Variants in BCL11B observed in about 807,000 individuals in gnomAD.
The protein encoded by BCL11B is BCL11 transcription factor B.
In BCL11B, 8 loss-of-function variants were observed where a neutral mutation model predicts 49.9. The observed-to-expected ratio is 0.16, with a 90% confidence interval of 0.09 to 0.29. The LOEUF is 0.29. BCL11B is among the 10% of genes least tolerant of loss of function. BCL11B has a pLI of 1.00. For synonymous variants in BCL11B, 739 were observed against 637.4 expected, an observed-to-expected ratio of 1.16 and a Z score of -2.40; for missense variants, 1,006 against 1,351.0, an observed-to-expected ratio of 0.74 and a Z score of 4.00.
At chr14:99,220,423 G>T (rs916462632) in intron 3 of BCL11B, among the ~76,000 whole-genome samples, 1 of 152,194 alleles carries the variant, frequency 6.6e-6, no homozygotes, top group African/African-American at 2.4e-5. Flanking sequence ...GAAGGAGATT[G>T]TAACACGTGC....
intron 2 of BCL11B, among the ~76,000 whole-genome samples, chr14:99,255,911 C>T (rs1468630712): frequency 2.6e-5 from 4 of 152,216 alleles, no homozygotes; most frequent in Non-Finnish European, 5.9e-5. Context: ...CATGCTAGGG[C>T]ACCCATCAGA....
intron 3 of BCL11B, among the ~76,000 whole-genome samples, chr14:99,206,460 C>G (rs2693686): frequency 0.41 from 62,675 of 151,984 alleles, 13,622 homozygotes; most frequent in African/African-American, 0.54. Flanking sequence ...TTGAGCCACT[C>G]CAAGTAGTGT....
At position 99,248,235 on chromosome 14, in the gene BCL11B, C is replaced by T. The variant is rs545747322; in HGVS notation, c.427+9236G>A. 6.6e-6 allele frequency among the ~76,000 whole-genome samples: 1 copy of T among 152,186 alleles called. No homozygotes were observed. Among genetic ancestry groups the T allele is most frequent in the African/African-American group, 2.4e-5 (1 of 41,522 alleles). On this transcript the variant is annotated intron_variant, in intron 2 of 3. Coordinates refer to ENST00000357195, the MANE Select transcript of BCL11B (RefSeq NM_138576.4). The surrounding 1 kb of genome is among the most constrained non-coding windows in gnomAD (Gnocchi z 4.7). ...TGAGACACCCCAGGGCCCTCCAGAC[C>T]AAAACCAGCGGACCAGCAAGAAGGC...
chr14:99,223,334 T>C (rs1888065885), intron 3 of BCL11B, among the ~76,000 whole-genome samples: 1 of 152,128 alleles, frequency 6.6e-6, no homozygotes, highest in Non-Finnish European at 1.5e-5. Context: ...AAATATAATA[T>C]CTGCAAAGAG....
At chr14:99,237,448 C>A (rs769783569) in intron 2 of BCL11B, among the ~76,000 whole-genome samples, 24 of 152,100 alleles carry the variant, frequency 1.6e-4, no homozygotes, top group Non-Finnish European at 3.1e-4. Flanking sequence ...AGTGGGTGTG[C>A]CACGTGGCTC....
chr14:99,217,059 C>T (rs891243674), intron 3 of BCL11B, among the ~76,000 whole-genome samples: 1 of 152,158 alleles, frequency 6.6e-6, no homozygotes, highest in African/African-American at 2.4e-5. Context: ...CATATATACA[C>T]TTAGTCATGT....
At position 99,173,892 on chromosome 14, in the gene BCL11B, C is replaced by A; in HGVS notation, c.*259G>T. 1 of 519,280 alleles carries A rather than the reference C, an allele frequency of 1.9e-6. No individual in the cohort carries two copies. The highest frequency in any genetic ancestry group is 3.4e-6 in the Non-Finnish European group (1 of 293,728). 32.2% of individuals were successfully genotyped at this position (519,280 alleles called of 1,614,324 possible). A position where few individuals can be genotyped will look rare whatever the true frequency, so the allele number is the denominator to read the frequency against. Reference sequence around the variant, plus strand: ...AAAATAATAATAAAAAGTACCTGCACATGCCAAAAAAATTACAAAACCCAA... The same window carrying A: ...AAAATAATAATAAAAAGTACCTGCAAATGCCAAAAAAATTACAAAACCCAA... On this transcript the variant is annotated 3_prime_UTR_variant, in exon 4 of 4. Coordinates refer to ENST00000357195, the MANE Select transcript of BCL11B (RefSeq NM_138576.4).
chr14:99,170,540 A>G lies in BCL11B; in HGVS notation c.*3611T>C, dbSNP rs1886254828. ...TAAAATAGAGGATTAGGGGAGGAAC[A>G]GACAGGAAGAAAAGAAATTAAATAA... is the stretch of plus-strand genomic sequence containing the variant. On this transcript the variant is annotated 3_prime_UTR_variant, in exon 4 of 4. Coordinates refer to ENST00000357195, the MANE Select transcript of BCL11B (RefSeq NM_138576.4). 4 of 230,938 alleles carry G rather than the reference A, an allele frequency of 1.7e-5. No individual in the cohort carries two copies. Among genetic ancestry groups the G allele is most frequent in the Non-Finnish European group, 3.4e-5 (4 of 116,456 alleles). The allele number at this position is 230,938 out of a possible 1,614,324, so 14.3% of individuals were successfully genotyped here. A position where few individuals can be genotyped will look rare whatever the true frequency, so the allele number is the denominator to read the frequency against.
chr14:99,250,405 G>A (rs1414592941), intron 2 of BCL11B, among the ~76,000 whole-genome samples: 1 of 151,966 alleles, frequency 6.6e-6, no homozygotes, highest in Admixed American at 6.6e-5. Context: ...TCCAGCCTGG[G>A]CGACAGCGAG....
At chr14:99,235,411 G>A (rs865842632) in intron 2 of BCL11B, among the ~76,000 whole-genome samples, 19 of 152,284 alleles carry the variant, frequency 1.2e-4, no homozygotes, top group Middle Eastern at 3.4e-3. Flanking sequence ...GACAGTCCCC[G>A]CGCCCCCTCC....
chr14:99,176,346 G>T, intron 3 of BCL11B, 151 bp from the exon 4 acceptor site: 1 of 757,390 alleles, frequency 1.3e-6, no homozygotes, highest in Non-Finnish European at 2.0e-6. Context: ...CCGCTTGCAA[G>T]CAGGCCCGGC....
At chr14:99,221,227 C>A (rs533257891) in intron 3 of BCL11B, among the ~76,000 whole-genome samples, 1 of 152,280 alleles carries the variant, frequency 6.6e-6, no homozygotes, top group African/African-American at 2.4e-5. Context: ...GAAATTCATG[C>A]AAAAGAACTT....
At chr14:99,260,118 A>T (rs1050579445) in intron 1 of BCL11B, among the ~76,000 whole-genome samples, 1 of 152,238 alleles carries the variant, frequency 6.6e-6, no homozygotes, top group African/African-American at 2.4e-5. Flanking sequence ...GGAGGATGTC[A>T]AAATATTGTT....
Position 99,184,085 on chromosome 14 carries a change from C to T in BCL11B, c.641-7890G>A, listed in dbSNP as rs777211616. 5.9e-5 allele frequency among the ~76,000 whole-genome samples: 9 copies of T among 152,140 alleles called. No individual in the cohort carries two copies. The highest frequency in any genetic ancestry group is 7.3e-5 in the Non-Finnish European group (5 of 68,028). ...GGTGGGGCCTCCCTGATACCCAGGA[C>T]GATGTATCAGGCACCCCAGCCTTTG... On this transcript the variant is annotated intron_variant, in intron 3 of 3. Transcript: ENST00000357195. This position sits in a 1 kb window ranked among gnomAD's most constrained non-coding sequence, Gnocchi z 6.1.
Position 99,175,342 on chromosome 14 carries a change from G to A in BCL11B, c.1494C>T (p.Pro498=). The change falls in exon 4 of 4, where the codon CCC becomes CCT. Residue 498 remains proline, a synonymous_variant. Coordinates refer to ENST00000357195, the MANE Select transcript of BCL11B (RefSeq NM_138576.4). The part of the protein sequence containing the change: ...SDDGLSAASS[P]EPGTSELAGE... ...CCGCCAGCTCGCTGGTGCCGGGCTCGGGGGAGCTGGCGGCCGAGAGCCCGT... is the reference window on the plus strand; with the variant it reads ...CCGCCAGCTCGCTGGTGCCGGGCTCAGGGGAGCTGGCGGCCGAGAGCCCGT... 1 of 1,558,112 alleles carries A rather than the reference G, an allele frequency of 6.4e-7. No individual in the cohort carries two copies. Among genetic ancestry groups the A allele is most frequent in the Non-Finnish European group, 8.6e-7 (1 of 1,157,182 alleles).
chr14:99,243,267 A>G lies in BCL11B; in HGVS notation c.428-11710T>C, dbSNP rs1200079816. Among the ~76,000 whole-genome samples the G allele has an allele frequency of 2.6e-5, 4 of 152,118 alleles. No homozygotes were observed. The East Asian group carries it at 7.7e-4, about 29-fold the overall frequency. On this transcript the variant is annotated intron_variant, in intron 2 of 3. Transcript: ENST00000357195. ...GGGAGTTTCCTATTGGTATCAGGTT[A>G]CTAAATTGAAAAACCAAGTGCCCCC...
At chr14:99,246,047 T>G (rs890653165) in intron 2 of BCL11B, among the ~76,000 whole-genome samples, 3 of 151,934 alleles carry the variant, frequency 2.0e-5, no homozygotes, top group Non-Finnish European at 4.4e-5. Context: ...CCGAGGCGGC[T>G]CCGATTCACT....
In BCL11B at chr14:99,244,908, G is replaced by T. The variant is rs1595069557; in HGVS notation, c.427+12563C>A. On this transcript the variant is annotated intron_variant, in intron 2 of 3. Transcript: ENST00000357195. ...ATACGCATATTTTTAATACTACCTTGACTCTTGTTATAGCAAATCAATTCT... is the reference window on the plus strand; with the variant it reads ...ATACGCATATTTTTAATACTACCTTTACTCTTGTTATAGCAAATCAATTCT... 2.0e-5 allele frequency among the ~76,000 whole-genome samples: 3 copies of T among 152,228 alleles called. No individual in the cohort carries two copies. The East Asian group carries it at 5.8e-4, about 29-fold the overall frequency.
intron 1 of BCL11B, among the ~76,000 whole-genome samples, chr14:99,270,163 T>C (rs1258977478): frequency 6.6e-6 from 1 of 152,086 alleles, no homozygotes; most frequent in East Asian, 1.9e-4. Context: ...GCTGCCTGAC[T>C]TTGCCCGCCC....
Sources: gnomAD v4.1 joint callset for allele counts (sites outside exome capture counted in the v4.1 genomes callset) on GRCh38, gnomAD v4.1.1 for gene constraint, Gnocchi (gnomAD v3.1) non-coding constraint, MANE v1.5 for transcripts, NCBI Gene and HGNC (gene_info 2026-07-23, HGNC 2026-07-21) for gene names.